Variants in ARSG observed in about 807,000 individuals in gnomAD.
ARSG encodes arylsulfatase G.
Under a neutral mutation model 50.5 loss-of-function variants are expected in ARSG, and 37 were observed. The observed-to-expected ratio is 0.73, with a 90% CI of 0.56 to 0.96. The LOEUF (loss-of-function observed/expected upper bound fraction) is 0.96. Ranked by LOEUF, ARSG falls within the 50% of genes least tolerant of loss-of-function variation. The pLI is 0.00. For missense variants in ARSG, 629 were observed against 675.3 expected (o/e 0.93, Z 0.76); for synonymous variants, 225 against 254.6 (o/e 0.88, Z 1.11).
chr17:68,316,564 T>C (rs1404416876), intron 2 of ARSG, among the ~76,000 whole-genome samples: 1 of 152,260 alleles, frequency 6.6e-6, no homozygotes, highest in Non-Finnish European at 1.5e-5. Flanking sequence ...GAGCTGGAAC[T>C]AGACTGCCTT....
intron 2 of ARSG, among the ~76,000 whole-genome samples, chr17:68,323,743 T>C (rs1287588220): frequency 6.6e-6 from 1 of 152,090 alleles, no homozygotes; most frequent in Non-Finnish European, 1.5e-5. Context: ...AAATGGTGGC[T>C]CAACAGCCTT....
At chr17:68,397,719 G>A (rs2081305067) in intron 10 of ARSG, among the ~76,000 whole-genome samples, 1 of 152,090 alleles carries the variant, frequency 6.6e-6, no homozygotes, top group African/African-American at 2.4e-5. Context: ...ACGTGTGCAT[G>A]CATATTCTAG....
At chr17:68,330,201 C>A (rs189969047) in intron 2 of ARSG, among the ~76,000 whole-genome samples, 110 of 151,024 alleles carry the variant, frequency 7.3e-4, no homozygotes, top group Admixed American at 4.2e-3. Context: ...CAGAGTGAGG[C>A]TCCATCTCAA....
In ARSG at chr17:68,271,020, A is replaced by T; in HGVS notation, c.-552+11594A>T. The T allele has an allele frequency of 6.2e-7, 1 of 1,614,218 alleles. No homozygotes were observed. The highest frequency in any genetic ancestry group is 1.1e-5 in the South Asian group (1 of 91,090). ...TGCATGACATTAGACCCCAGAATTC[A>T]GTAGCAAAAGTAAAGGCAAACAGAG... On this transcript the variant is annotated intron_variant, in intron 1 of 11. Transcript: ENST00000448504. The surrounding 1 kb of genome is among the most constrained non-coding windows in gnomAD (Gnocchi z 5.3).
At chr17:68,385,319 C>T (rs540828932) in intron 9 of ARSG, 147 bp downstream of exon 9, 11 of 647,490 alleles carry the variant, frequency 1.7e-5, no homozygotes, top group East Asian at 1.1e-4. Flanking sequence ...TTGCCTTTGC[C>T]GGGTGTTCCC....
downstream of ARSG, among the ~76,000 whole-genome samples, chr17:68,425,684 A>G (rs1000167453): frequency 3.9e-5 from 6 of 152,286 alleles, no homozygotes; most frequent in African/African-American, 1.4e-4. Context: ...AGCACAAGGA[A>G]GGCAGCATTC....
At chr17:68,434,622 G>C in the ARSG span, 1 of 1,613,978 alleles carries the variant, frequency 6.2e-7, no homozygotes, top group Non-Finnish European at 8.5e-7. Flanking sequence ...CCGGATGACT[G>C]TGCCCTGGAA....
At chr17:68,269,080 G>A in intron 1 of ARSG, 1 of 1,564,758 alleles carries the variant, frequency 6.4e-7, no homozygotes, top group Non-Finnish European at 8.6e-7. Flanking sequence ...AGTGGCTGTT[G>A]TTGTAAGAAA....
intron 2 of ARSG, among the ~76,000 whole-genome samples, chr17:68,309,006 G>C (rs562005255): frequency 2.0e-4 from 31 of 152,366 alleles, no homozygotes; most frequent in Admixed American, 1.2e-3. Flanking sequence ...GCCCACGGAG[G>C]GGGTGGGAGG....
At chr17:68,305,706 T>G (rs1555763761) in intron 1 of ARSG, among the ~76,000 whole-genome samples, 1 of 152,208 alleles carries the variant, frequency 6.6e-6, no homozygotes, top group Non-Finnish European at 1.5e-5. Flanking sequence ...TAAGCACCCA[T>G]ATATCTGCTA....
intron 11 of ARSG, among the ~76,000 whole-genome samples, chr17:68,416,901 T>C (rs777267758): frequency 9.2e-5 from 14 of 152,350 alleles, no homozygotes; most frequent in Middle Eastern, 3.4e-3. Flanking sequence ...TTTCCTTGCA[T>C]TGGGCTTCAC....
At chr17:68,384,262 C>T (rs1458358421) in intron 8 of ARSG, among the ~76,000 whole-genome samples, 2 of 152,076 alleles carry the variant, frequency 1.3e-5, no homozygotes, top group Non-Finnish European at 1.5e-5. Flanking sequence ...GTGGGATGGC[C>T]GTGGTTAATG....
At chr17:68,299,133 C>G (rs1252613202) in intron 1 of ARSG, among the ~76,000 whole-genome samples, 1 of 135,718 alleles carries the variant, frequency 7.4e-6, no homozygotes, top group Non-Finnish European at 1.5e-5. Context: ...GAGACAGAGT[C>G]TCACTCTGTT....
chr17:68,367,214 G>C lies in ARSG; in HGVS notation c.705-1334G>C, dbSNP rs1475571517. Among the ~76,000 whole-genome samples, 2 of 152,180 alleles carry C rather than the reference G, an allele frequency of 1.3e-5. No individual in the cohort carries two copies. The highest frequency in any genetic ancestry group is 4.8e-5 in the African/African-American group (2 of 41,426). ...GGGGAAGGCAGACGCCCCTGTCTTG[G>C]GACTTGTGTCCAGGGTTTTATGCAT... On this transcript the variant is annotated intron_variant, in intron 6 of 11. Transcript: ENST00000621439. The surrounding 1 kb of genome is among the most constrained non-coding windows in gnomAD (Gnocchi z 4.5).
the ARSG span, among the ~76,000 whole-genome samples, chr17:68,431,783 A>AAGAG: frequency 3.8e-3 from 32 of 8,466 alleles, no homozygotes; most frequent in South Asian, 6.2e-3. Context: ...TTGAGCGGAG[A>AAGAG]ACCCAGAACA....
chr17:68,412,249 T>C (rs1240174630), intron 11 of ARSG, among the ~76,000 whole-genome samples: 22 of 152,240 alleles, frequency 1.4e-4, no homozygotes, highest in Admixed American at 6.5e-5. Context: ...GATTTTGCAG[T>C]GGCTGGTACC....
At chr17:68,363,559 C>T (rs2079396622) in intron 6 of ARSG, among the ~76,000 whole-genome samples, 2 of 152,226 alleles carry the variant, frequency 1.3e-5, no homozygotes, top group South Asian at 4.1e-4. Context: ...CCTCTGCCTC[C>T]CAGGTTCAAG....
Position 68,367,522 on chromosome 17 carries a change from C to A in ARSG, c.705-1026C>A, listed in dbSNP as rs947343539. Among the ~76,000 whole-genome samples, 5 of 152,154 alleles carry A rather than the reference C, an allele frequency of 3.3e-5. No homozygotes were observed. Among genetic ancestry groups the A allele is most frequent in the Non-Finnish European group, 5.9e-5 (4 of 68,022 alleles). On this transcript the variant is annotated intron_variant, in intron 6 of 11. Transcript: ENST00000621439. This position sits in a 1 kb window ranked among gnomAD's most constrained non-coding sequence, Gnocchi z 4.5. ...CATGGATGGATCTGTGGGAGAGGGG[C>A]CCCCTGAAGGTCCCTGCCACCGTTG...
In ARSG at chr17:68,321,644, G is replaced by A. The variant is rs1415032818; in HGVS notation, c.218+13933G>A. Among the ~76,000 whole-genome samples the A allele has an allele frequency of 2.0e-5, 3 of 152,204 alleles. No individual in the cohort carries two copies. In the East Asian group the frequency reaches 5.8e-4, roughly 29 times the overall value. ...TAACTTTGCAACGTTATGTCTCTCC[G>A]GGGCTTTTGTGGCAGCCTTTCCAGT... On this transcript the variant is annotated intron_variant, in intron 2 of 11. Coordinates refer to ENST00000621439, the MANE Select transcript of ARSG (RefSeq NM_001267727.2).
Sources: allele counts gnomAD v4.1 joint callset (sites outside exome capture counted in the v4.1 genomes callset), GRCh38; gene constraint gnomAD v4.1.1; non-coding constraint Gnocchi (gnomAD v3.1); transcripts MANE v1.5; gene names NCBI Gene and HGNC (gene_info 2026-07-23, HGNC 2026-07-21).